Variants in COL13A1 observed in about 807,000 individuals in gnomAD.
COL13A1 encodes collagen type XIII alpha 1 chain, also known as collagen alpha-1(XIII) chain.
In COL13A1, 89 loss-of-function variants were observed where a neutral mutation model predicts 130.9. The observed-to-expected ratio is 0.68, with a 90% CI of 0.57 to 0.81. The LOEUF is 0.81. Among genes scored for constraint, COL13A1 ranks in the 30% least tolerant of loss-of-function variants. COL13A1 has a pLI of 0.00. For missense variants in COL13A1, 879 were observed against 934.6 expected, an observed-to-expected ratio of 0.94 and a Z score of 0.78; for synonymous variants, 402 against 341.6, an observed-to-expected ratio of 1.18 and a Z score of -1.95.
At chr10:69,894,866 A>T (rs2061494081) in intron 12 of COL13A1, among the ~76,000 whole-genome samples, 165 bp downstream of exon 12, 1 of 152,152 alleles carries the variant, frequency 6.6e-6, no homozygotes, top group South Asian at 2.1e-4. Context: ...GCTCCAGGGG[A>T]CATCCTTTTC....
chr10:69,829,143 C>T (rs1564781510), intron 2 of COL13A1: 5 of 771,168 alleles, frequency 6.5e-6, no homozygotes, highest in Non-Finnish European at 7.9e-6. Flanking sequence ...AGGCTGAACA[C>T]CACCATTTCC....
At chr10:69,904,416 C>T (rs1022286153) in intron 15 of COL13A1, among the ~76,000 whole-genome samples, 15 of 152,216 alleles carry the variant, frequency 9.9e-5, no homozygotes, top group African/African-American at 3.6e-4. Flanking sequence ...ACACCCAAGG[C>T]TGCGGTGGAG....
At chr10:69,882,314 C>T (rs193035717) in intron 7 of COL13A1, among the ~76,000 whole-genome samples, 221 of 152,344 alleles carry the variant, frequency 1.5e-3, no homozygotes, top group African/African-American at 4.7e-3. Context: ...ATTATGTCAA[C>T]AGGCTACCAA....
chr10:69,822,953 C>A lies in COL13A1; in HGVS notation c.364+515C>A, dbSNP rs566130058. On this transcript the variant is annotated intron_variant, in intron 2 of 40. Transcript: ENST00000645393. ...CTAGGCTACATGCAACACACACATG[C>A]TTACATGCAAGGAATGAAGGCACAA... is the stretch of plus-strand genomic sequence containing the variant. 1.3e-3 allele frequency among the ~76,000 whole-genome samples: 203 copies of A among 152,384 alleles called. 3 individuals carry two copies. The highest frequency in any genetic ancestry group is 4.8e-3 in the African/African-American group (199 of 41,594).
intron 2 of COL13A1, among the ~76,000 whole-genome samples, chr10:69,847,208 T>C (rs1853393506): frequency 6.6e-6 from 1 of 152,210 alleles, no homozygotes; most frequent in South Asian, 2.1e-4. Flanking sequence ...CTCATTTTAC[T>C]GATGAGAAAA....
intron 10 of COL13A1, among the ~76,000 whole-genome samples, chr10:69,892,447 T>C (rs1396903467): frequency 1.3e-5 from 2 of 152,160 alleles, no homozygotes; most frequent in Non-Finnish European, 2.9e-5. Context: ...AGTTGTATAA[T>C]AGTGTAGTTG....
chr10:69,894,853 A>T (rs568152507), intron 12 of COL13A1, among the ~76,000 whole-genome samples, 152 bp downstream of exon 12: 5 of 152,308 alleles, frequency 3.3e-5, no homozygotes, highest in Non-Finnish European at 7.4e-5. Context: ...TTCGGTTGAC[A>T]CCGCTCCAGG....
intron 17 of COL13A1, among the ~76,000 whole-genome samples, chr10:69,914,822 C>T (rs2063751455): frequency 6.6e-6 from 1 of 152,236 alleles, no homozygotes; most frequent in Non-Finnish European, 1.5e-5. Context: ...AGATGAGGTA[C>T]TGTCACGCCC....
chr10:69,804,358 T>C (rs908843877), intron 1 of COL13A1, among the ~76,000 whole-genome samples: 5 of 152,070 alleles, frequency 3.3e-5, no homozygotes, highest in Admixed American at 2.0e-4. Flanking sequence ...TTCTAGCTTC[T>C]TGCTTCCACT....
chr10:69,947,258 G>C, intron 37 of COL13A1, 49 bp from the exon 38 acceptor site: 1 of 1,566,174 alleles, frequency 6.4e-7, no homozygotes, highest in South Asian at 1.1e-5. Context: ...CTGTACAGCT[G>C]GCCTGTGTGT....
intron 2 of COL13A1, among the ~76,000 whole-genome samples, chr10:69,832,208 G>A (rs1159530483): frequency 6.6e-6 from 1 of 152,188 alleles, no homozygotes; most frequent in East Asian, 1.9e-4. Context: ...CCCTTCCAAT[G>A]CTATGAAAAA....
chr10:69,835,252 A>G (rs941277801), intron 2 of COL13A1, among the ~76,000 whole-genome samples: 1 of 152,126 alleles, frequency 6.6e-6, no homozygotes, highest in Admixed American at 6.5e-5. Context: ...CAGTGACGCT[A>G]AAGGAATGCC....
intron 2 of COL13A1, chr10:69,860,803 A>T: frequency 4.8e-6 from 1 of 208,586 alleles, no homozygotes; most frequent in South Asian, 5.0e-5. Context: ...AGCTGCAGGG[A>T]TGGTAAGGGG....
At chr10:69,803,981 A>T (rs1039413343) in intron 1 of COL13A1, among the ~76,000 whole-genome samples, 3 of 151,976 alleles carry the variant, frequency 2.0e-5, no homozygotes, top group Non-Finnish European at 2.9e-5. Context: ...CAAGGAGGAG[A>T]TTGCAGGGCC....
chr10:69,933,161 A>AAAAAAAAAAAAAAAAAAAAAAAC (rs2066375657), intron 31 of COL13A1, among the ~76,000 whole-genome samples: 1 of 149,384 alleles, frequency 6.7e-6, no homozygotes, highest in African/African-American at 2.5e-5. Context: ...AAAAAAAAAA[A>AAAAAAAAAAAAAAAAAAAAAAAC]AAAAAACAGA....
chr10:69,836,993 G>A (rs1228006260), intron 2 of COL13A1, among the ~76,000 whole-genome samples: 3 of 152,168 alleles, frequency 2.0e-5, no homozygotes, highest in African/African-American at 4.8e-5. Context: ...AACCTCCCAG[G>A]GGCAGCAGGT....
intron 32 of COL13A1, among the ~76,000 whole-genome samples, chr10:69,936,128 A>AAG (rs1565118804): frequency 4.3e-5 from 4 of 92,246 alleles, no homozygotes; most frequent in African/African-American, 2.0e-4. Context: ...AAGGAAGGAA[A>AAG]GAAGGAAGGA....
intron 1 of COL13A1, among the ~76,000 whole-genome samples, chr10:69,808,567 ACCCAGGCTGCCGCT>A (rs1424263340): frequency 6.6e-6 from 1 of 152,144 alleles, no homozygotes; most frequent in Non-Finnish European, 1.5e-5. Context: ...GAGAACAGCA[ACCCAGGCTGCCGCT>A]CCCGTCCATT....
At chr10:69,841,008 C>T (rs190371304) in intron 2 of COL13A1, among the ~76,000 whole-genome samples, 5 of 152,194 alleles carry the variant, frequency 3.3e-5, no homozygotes, top group African/African-American at 7.2e-5. Context: ...CCTGCAGTGG[C>T]GCCAGTGCCT....
Sources: gnomAD v4.1 joint callset for allele counts (sites outside exome capture counted in the v4.1 genomes callset) on GRCh38, gnomAD v4.1.1 for gene constraint, MANE v1.5 for transcripts, NCBI Gene and HGNC (gene_info 2026-07-23, HGNC 2026-07-21) for gene names.